Variants in DNMBP observed in about 807,000 individuals in gnomAD.
DNMBP encodes the protein dynamin binding protein.
In DNMBP, 87 loss-of-function variants were observed where a neutral mutation model predicts 150.0. The ratio of observed to expected loss-of-function variants is 0.58; its 90% CI spans 0.49 to 0.69. The LOEUF is 0.69. Ranked by LOEUF, DNMBP falls within the 30% of genes least tolerant of loss-of-function variation. The probability of loss-of-function intolerance (pLI) is 0.00; values close to 1 mark genes in which losing one functional copy is unlikely to be tolerated. For missense variants in DNMBP, 1,774 were observed against 1,949.0 expected, an observed-to-expected ratio of 0.91 and a Z score of 1.69; for synonymous variants, 711 against 750.4, an observed-to-expected ratio of 0.95 and a Z score of 0.86.
chr10:99,878,297 G>C (rs559800773), intron 16 of DNMBP, among the ~76,000 whole-genome samples: 1 of 152,154 alleles, frequency 6.6e-6, no homozygotes, highest in African/African-American at 2.4e-5. Context: ...AGCTCAGGGA[G>C]GAGGAGAAGC....
chr10:99,992,952 G>C (rs553061470), intron 1 of DNMBP, among the ~76,000 whole-genome samples: 11 of 152,238 alleles, frequency 7.2e-5, no homozygotes, highest in Non-Finnish European at 1.3e-4. Flanking sequence ...GCTGAGGTGG[G>C]AGGATCACTT....
At chr10:99,895,396 G>A (rs1286258307) in intron 10 of DNMBP, among the ~76,000 whole-genome samples, 2 of 152,204 alleles carry the variant, frequency 1.3e-5, no homozygotes, top group African/African-American at 4.8e-5. Context: ...CCAGAGTGCT[G>A]GGATTATAGG....
rs775027169 is a variant in DNMBP, at chr10:99,898,429, T to C, written c.2721-144A>G. On this transcript the variant is annotated intron_variant, in intron 8 of 16. Coordinates refer to ENST00000324109, the MANE Select transcript of DNMBP (RefSeq NM_015221.4). ...TATGGGCAGGATTTGTTCCTAAATA[T>C]TGCTCTCTATTCTTTTACCCTACTT... The C allele has an allele frequency of 1.6e-5, 12 of 734,392 alleles. No homozygotes were observed. In the South Asian group the frequency reaches 1.9e-4, roughly 11 times the overall value. The allele number at this position is 734,392 out of a possible 1,614,324, so 45.5% of individuals were successfully genotyped here. A position where few individuals can be genotyped will look rare whatever the true frequency, so the allele number is the denominator to read the frequency against.
chr10:99,900,104 A>G (rs2133229668), intron 6 of DNMBP, 38 bp from the exon 7 acceptor site: 1 of 1,611,702 alleles, frequency 6.2e-7, no homozygotes, highest in South Asian at 1.1e-5. Flanking sequence ...TTTTTAGTAA[A>G]CTTTCTTCTC....
At position 100,000,150 on chromosome 10, in the gene DNMBP, A is replaced by T. The variant is rs1341749646; in HGVS notation, c.-11+9688T>A. 2.0e-5 allele frequency among the ~76,000 whole-genome samples: 3 copies of T among 152,234 alleles called. No homozygotes were observed. The East Asian group carries it at 5.8e-4, about 29-fold the overall frequency. ...CGTAACAATTCTGAACCAGATTAGA[A>T]TACTTACCGTTCAGAATACTTATTG... is the stretch of plus-strand genomic sequence containing the variant. On this transcript the variant is annotated intron_variant, in intron 1 of 16. Coordinates refer to ENST00000324109, the MANE Select transcript of DNMBP (RefSeq NM_015221.4).
intron 13 of DNMBP, 121 bp from the exon 14 acceptor site, chr10:99,885,987 G>T: frequency 9.9e-7 from 1 of 1,011,730 alleles, no homozygotes; most frequent in Non-Finnish European, 1.4e-6. Context: ...ACCACTGGAA[G>T]CTAAAGTTCA....
At chr10:99,984,125 A>T (rs1236642042) in intron 1 of DNMBP, among the ~76,000 whole-genome samples, 1 of 152,192 alleles carries the variant, frequency 6.6e-6, no homozygotes, top group East Asian at 1.9e-4. Context: ...CTCTTTTTTT[A>T]AAAAATTACT....
chr10:99,885,659 G>A (rs1277650321), intron 14 of DNMBP, 28 bp downstream of exon 14: 1 of 1,541,922 alleles, frequency 6.5e-7, no homozygotes, highest in Non-Finnish European at 8.8e-7. Flanking sequence ...CCCCGAGGCG[G>A]GGCTGCTGCT....
chr10:99,924,667 T>C (rs1272093746), intron 4 of DNMBP, among the ~76,000 whole-genome samples: 1 of 152,210 alleles, frequency 6.6e-6, no homozygotes, highest in Non-Finnish European at 1.5e-5. Flanking sequence ...AATAAACACC[T>C]GGTGGACTGC....
intron 4 of DNMBP, among the ~76,000 whole-genome samples, chr10:99,933,377 A>C (rs903116463): frequency 2.0e-5 from 3 of 152,228 alleles, no homozygotes; most frequent in Non-Finnish European, 4.4e-5. Flanking sequence ...CCAGGTTCTA[A>C]GTTGTGTATG....
intron 3 of DNMBP, among the ~76,000 whole-genome samples, chr10:99,968,839 G>A (rs1281283217): frequency 2.6e-5 from 4 of 152,054 alleles, no homozygotes; most frequent in African/African-American, 4.8e-5. Context: ...TTTGAATTTT[G>A]CTCTCATTAT....
intron 4 of DNMBP, among the ~76,000 whole-genome samples, chr10:99,948,541 CAGACACACAA>C (rs2040384349): frequency 6.6e-6 from 1 of 152,168 alleles, no homozygotes; most frequent in South Asian, 2.1e-4. Flanking sequence ...GTAAGATAAT[CAGACACACAA>C]AGAGCCTAGA....
chr10:99,877,462 G>A, intron 16 of DNMBP, 126 bp from the exon 17 acceptor site: 1 of 642,002 alleles, frequency 1.6e-6, no homozygotes, highest in East Asian at 2.9e-5. Flanking sequence ...CTGAAATATG[G>A]CCAGTGAGAC....
chr10:99,885,941 CATG>C, intron 13 of DNMBP, 75 bp from the exon 14 acceptor site: 4 of 1,364,942 alleles, frequency 2.9e-6, no homozygotes, highest in South Asian at 1.5e-5. Context: ...AAGAAGAAAA[CATG>C]ATGAAAGATC....
chr10:99,954,273 A>G (rs1458006244), intron 4 of DNMBP, among the ~76,000 whole-genome samples: 4 of 151,998 alleles, frequency 2.6e-5, no homozygotes, highest in East Asian at 2.0e-4. Flanking sequence ...CCTGGGCTCA[A>G]GCAATCCACC....
chr10:99,955,690 A>C lies in DNMBP; in HGVS notation c.1784T>G (p.Leu595Ter), dbSNP rs2040481958. 1.2e-6 allele frequency: 2 copies of C among 1,614,194 alleles called. No homozygotes were observed. The highest frequency in any genetic ancestry group is 1.7e-6 in the Non-Finnish European group (2 of 1,180,028). The change falls in exon 4 of 17, where the codon TTA becomes TGA. Residue 595 changes from leucine (L) to a stop codon, truncating the protein, a stop_gained. Coordinates refer to ENST00000324109, the MANE Select transcript of DNMBP (RefSeq NM_015221.4). LOFTEE classifies it high-confidence loss of function. ...TTCCGGCAGCTCCTGCTCGGTGATT[A>C]ACTTTGAGGAACCTCGGACAATATC... The part of the protein sequence containing the change: ...EKDIVRGSSK[L>*]ITEQELPERR...
Position 99,880,073 on chromosome 10 carries a change from C to T in DNMBP, c.4286G>A (p.Ser1429Asn). The stretch of plus-strand genomic sequence containing the variant: ...GTCTGAAGGGCATCTGGAAGGACTA[C>T]TCTCTGAATTACTCGGATTTAGGGA... The part of the protein sequence containing the change: ...SASLNPSNSE[S>N]SPSRCPSDPD... The change falls in exon 16 of 17, where the codon AGT (serine) becomes AAT (asparagine). Residue 1429 changes from serine to asparagine, a missense_variant. Physicochemically the swap from Ser to Asn is conservative, Grantham distance 46. Coordinates refer to ENST00000324109, the MANE Select transcript of DNMBP (RefSeq NM_015221.4). 1.9e-6 allele frequency: 3 copies of T among 1,614,178 alleles called. No individual in the cohort carries two copies. The highest frequency in any genetic ancestry group is 2.5e-6 in the Non-Finnish European group (3 of 1,179,990).
At chr10:99,913,845 T>C (rs1185840123) in intron 4 of DNMBP, 1 of 1,167,626 alleles carries the variant, frequency 8.6e-7, no homozygotes, top group Non-Finnish European at 1.1e-6. Context: ...CTATCTCTAA[T>C]GGGGAAAATT....
chr10:99,879,896 T>G lies in DNMBP; in HGVS notation c.4463A>C (p.Asp1488Ala). The G allele has an allele frequency of 6.2e-7, 1 of 1,614,204 alleles. No homozygotes were observed. Among genetic ancestry groups the G allele is most frequent in the Non-Finnish European group, 8.5e-7 (1 of 1,180,028 alleles). ...TGTTCTTGCACATCCTTTGACGAGG[T>G]CTTGACTTTGCCCATTTCGTCCTGG... ...SVPGRNGQSQ[D>A]LVKGCARTAQ... Residue 1488 changes from aspartate to alanine, a missense_variant, in exon 16 of 17, where the codon GAC becomes GCC. Asp to Ala is a moderately radical substitution (Grantham distance 126, BLOSUM62 -2). Around this residue, in one of 2 missense-constraint regions of DNMBP, gnomAD observed 1,430 missense variants for 1,492.5 expected, o/e 0.96. Transcript: ENST00000324109.
Sources: allele counts gnomAD v4.1 joint callset (sites outside exome capture counted in the v4.1 genomes callset), GRCh38; gene constraint gnomAD v4.1.1; regional missense constraint gnomAD v4.1.1; transcripts MANE v1.5; gene names NCBI Gene and HGNC (gene_info 2026-07-23, HGNC 2026-07-21).